SIM2: variants seen among roughly 807,000 people sequenced by gnomAD.
The protein encoded by SIM2 is single-minded homolog 2.
SIM2 carries 28 observed loss-of-function variants against 64.8 expected under a neutral mutation model. The ratio of observed to expected loss-of-function variants is 0.43; its 90% CI spans 0.32 to 0.59. SIM2 has a LOEUF of 0.59. Among genes scored for constraint, SIM2 ranks in the 20% least tolerant of loss-of-function variants. The pLI is 0.07. For missense variants in SIM2, 847 were observed against 871.4 expected (o/e 0.97, Z 0.35); for synonymous variants, 408 against 391.1 (o/e 1.04, Z -0.51).
chr21:36,742,864 T>C lies in SIM2; in HGVS notation c.999-523T>C, dbSNP rs992987645. ...CCTGAGCAAATGTGTGGGCTGGTTC[T>C]CCAGGTCGACCTCTCCTTGTGTGAA... is the stretch of plus-strand genomic sequence containing the variant. On this transcript the variant is annotated intron_variant, in intron 8 of 10. Transcript: ENST00000290399. Among the ~76,000 whole-genome samples the C allele has an allele frequency of 6.6e-5, 10 of 152,320 alleles. No individual in the cohort carries two copies. The South Asian group carries it at 1.2e-3, about 19-fold the overall frequency.
chr21:36,702,939 GAAGAA>G (rs1241017870), intron 1 of SIM2, among the ~76,000 whole-genome samples: 15 of 131,122 alleles, frequency 1.1e-4, no homozygotes, highest in South Asian at 2.4e-4. Context: ...ACTCTGGGAG[GAAGAA>G]AAAAAAAAAA....
chr21:36,699,901 T>C lies in SIM2; in HGVS notation c.155T>C (p.Met52Thr), dbSNP rs2088461576. The C allele has an allele frequency of 1.9e-6, 3 of 1,604,848 alleles. No homozygotes were observed. The South Asian group carries it at 3.4e-5, about 18-fold the overall frequency. The change falls in exon 1 of 11, where the codon ATG becomes ACG. Residue 52 changes from methionine (M) to threonine (T), a missense_variant. Physicochemically the swap from Met to Thr is moderately conservative, Grantham distance 81. Coordinates refer to ENST00000290399, the MANE Select transcript of SIM2 (RefSeq NM_005069.6). This position sits in a 1 kb window ranked among gnomAD's most constrained non-coding sequence, Gnocchi z 5.6. ...IIRLTTSYLK[M>T]RAVFPEGLGD... ...CGCCTCACCACGAGCTACCTGAAGA[T>C]GCGCGCCGTCTTCCCCGAAGGTGAG...
chr21:36,700,056 G>C (rs2269188), intron 1 of SIM2, 135 bp downstream of exon 1: 255,276 of 912,362 alleles, frequency 0.28, 37,873 homozygotes, highest in East Asian at 0.48. Flanking sequence ...GGGAGGTTGC[G>C]TGAGGGTCTT....
In SIM2 at chr21:36,727,140, C is replaced by T. The variant is rs11701368; in HGVS notation, c.743+822C>T. Among the ~76,000 whole-genome samples the T allele has an allele frequency of 6.5e-3, 992 of 152,294 alleles. 8 individuals are homozygous for T. The highest frequency in any genetic ancestry group is 0.01 in the Non-Finnish European group (687 of 68,028). On this transcript the variant is annotated intron_variant, in intron 6 of 10. Transcript: ENST00000290399. The stretch of plus-strand genomic sequence containing the variant: ...GCAACCTCTGCCTCACAGGTTCAAG[C>T]GATTCTGCCTCAGCCTCCCAAGTAG...
chr21:36,720,278 G>A (rs987466948), intron 4 of SIM2: 20 of 225,334 alleles, frequency 8.9e-5, no homozygotes, highest in African/African-American at 3.3e-4. Flanking sequence ...CCAAGATGCC[G>A]TGCCTAAAAC....
chr21:36,708,784 G>C (rs1368260154), intron 1 of SIM2, among the ~76,000 whole-genome samples: 1 of 152,208 alleles, frequency 6.6e-6, no homozygotes, highest in Non-Finnish European at 1.5e-5. Context: ...ATATTTGCGG[G>C]TCAAATCGAT....
At chr21:36,706,394 AC>A (rs2088583180) in intron 1 of SIM2, among the ~76,000 whole-genome samples, 1 of 151,008 alleles carries the variant, frequency 6.6e-6, no homozygotes, top group Admixed American at 6.6e-5. Flanking sequence ...CCTCACCCCC[AC>A]CCCTCCGGCA....
intron 1 of SIM2, among the ~76,000 whole-genome samples, chr21:36,700,132 C>T (rs560009649): frequency 2.0e-4 from 30 of 152,342 alleles, no homozygotes; most frequent in East Asian, 1.7e-3. Context: ...AAACCCTCTC[C>T]TGGTCCAGGG....
chr21:36,706,094 T>C (rs1034616368), intron 1 of SIM2, among the ~76,000 whole-genome samples: 2 of 152,212 alleles, frequency 1.3e-5, no homozygotes, highest in Non-Finnish European at 2.9e-5. Flanking sequence ...GTCTATGGTC[T>C]GTGACCTGCA....
At chr21:36,732,103 G>A (rs575768408) in intron 7 of SIM2, among the ~76,000 whole-genome samples, 14 of 152,192 alleles carry the variant, frequency 9.2e-5, no homozygotes, top group South Asian at 2.1e-4. Flanking sequence ...GGCTGATCTC[G>A]AACTCCTGAC....
chr21:36,726,383 C>A lies in SIM2; in HGVS notation c.743+65C>A. 1 of 1,446,488 alleles carries A rather than the reference C, an allele frequency of 6.9e-7. No homozygotes were observed. Among genetic ancestry groups the A allele is most frequent in the South Asian group, 1.2e-5 (1 of 83,164 alleles). The allele number at this position is 1,446,488 out of a possible 1,614,324, so 89.6% of individuals were successfully genotyped here. On this transcript the variant is annotated intron_variant, in intron 6 of 10. Coordinates refer to ENST00000290399, the MANE Select transcript of SIM2 (RefSeq NM_005069.6). The surrounding 1 kb of genome is among the most constrained non-coding windows in gnomAD (Gnocchi z 4.5). ...AAGACACCGGTGGTGGAAATGGGTCCCTGAAAGCTGCCATCTTGGCCAAAT... is the reference window on the plus strand; with the variant it reads ...AAGACACCGGTGGTGGAAATGGGTCACTGAAAGCTGCCATCTTGGCCAAAT...
intron 1 of SIM2, among the ~76,000 whole-genome samples, chr21:36,705,535 C>T (rs1304077180): frequency 6.6e-6 from 1 of 152,180 alleles, no homozygotes; most frequent in Non-Finnish European, 1.5e-5. Context: ...ACTGGGGCTT[C>T]GGGCTGGGCC....
chr21:36,747,831 C>T lies in SIM2; in HGVS notation c.1743C>T (p.Cys581=). 2 of 1,033,920 alleles carry T rather than the reference C, an allele frequency of 1.9e-6. No homozygotes were observed. The highest frequency in any genetic ancestry group is 3.4e-5 in the South Asian group (1 of 29,298). The allele number at this position is 1,033,920 out of a possible 1,614,324, so 64.0% of individuals were successfully genotyped here. The part of the protein sequence containing the change: ...LALARAAPEC[C]APPTPEAPGA... The stretch of plus-strand genomic sequence containing the variant: ...TGGCCCGCGCGGCACCCGAGTGCTG[C>T]GCGCCCCCGACCCCCGAGGCCCCGG... The change falls in exon 11 of 11, where the codon TGC becomes TGT. Residue 581 remains cysteine, a synonymous_variant. Coordinates refer to ENST00000290399, the MANE Select transcript of SIM2 (RefSeq NM_005069.6). This position sits in a 1 kb window ranked among gnomAD's most constrained non-coding sequence, Gnocchi z 4.5.
intron 7 of SIM2, among the ~76,000 whole-genome samples, chr21:36,740,043 G>GAAAGAAAC (rs2089140175): frequency 7.1e-6 from 1 of 140,450 alleles, no homozygotes; most frequent in African/African-American, 2.6e-5. Context: ...AAGAAAGAAA[G>GAAAGAAAC]AAAGAAAGAA....
chr21:36,714,542 T>C (rs1003729152), intron 3 of SIM2, among the ~76,000 whole-genome samples: 8 of 152,218 alleles, frequency 5.3e-5, no homozygotes, highest in African/African-American at 1.9e-4. Context: ...GCCTATTTCA[T>C]GTGATTTACA....
Position 36,745,067 on chromosome 21 carries a change from T to A in SIM2, c.1507T>A (p.Ser503Thr), listed in dbSNP as rs1008276838. 1 of 1,613,250 alleles carries A rather than the reference T, an allele frequency of 6.2e-7. No homozygotes were observed. The highest frequency in any genetic ancestry group is 1.3e-5 in the African/African-American group (1 of 74,912). The change falls in exon 10 of 11, where the codon TCT (serine) becomes ACT (threonine). Residue 503 changes from serine (S) to threonine (T), a missense_variant. Transcript: ENST00000290399. The surrounding 1 kb of genome is among the most constrained non-coding windows in gnomAD (Gnocchi z 4.8). The part of the protein sequence containing the change: ...YANPLVPSSS[S>T]PAKNPPEPPA... ...CAACCCCCTAGTGCCTAGCAGCTCGTCTCCAGCTAAAAATCCTCCAGAGCC... is the reference window on the plus strand; with the variant it reads ...CAACCCCCTAGTGCCTAGCAGCTCGACTCCAGCTAAAAATCCTCCAGAGCC...
chr21:36,708,300 G>A lies in SIM2; in HGVS notation c.176-868G>A, dbSNP rs984898658. Among the ~76,000 whole-genome samples, 4 of 152,260 alleles carry A rather than the reference G, an allele frequency of 2.6e-5. 1 individual carries two copies. The highest frequency in any genetic ancestry group is 3.9e-4 in the East Asian group (2 of 5,190). ...GCAGGGGAAGCCTGGGGTCTCGCGG[G>A]GCGCAGCAGTCAGGTCGAGGGTGCA... is the stretch of plus-strand genomic sequence containing the variant. On this transcript the variant is annotated intron_variant, in intron 1 of 10. Coordinates refer to ENST00000290399, the MANE Select transcript of SIM2 (RefSeq NM_005069.6).
chr21:36,703,695 G>A (rs1297681274), intron 1 of SIM2, among the ~76,000 whole-genome samples: 1 of 152,242 alleles, frequency 6.6e-6, no homozygotes, highest in African/African-American at 2.4e-5. Flanking sequence ...GTCTTGGAGG[G>A]TGGTTAAGAT....
intron 1 of SIM2, among the ~76,000 whole-genome samples, chr21:36,707,100 C>T (rs1346133766): frequency 6.6e-6 from 1 of 152,250 alleles, no homozygotes; most frequent in Non-Finnish European, 1.5e-5. Flanking sequence ...AGGCCACGCT[C>T]ACCGTTAACA....
Sources: gnomAD v4.1 joint callset for allele counts (sites outside exome capture counted in the v4.1 genomes callset) on GRCh38, gnomAD v4.1.1 for gene constraint, Gnocchi (gnomAD v3.1) non-coding constraint, MANE v1.5 for transcripts, NCBI Gene and HGNC (gene_info 2026-07-23, HGNC 2026-07-21) for gene names.